Variants in SLCO3A1 observed in about 807,000 individuals in gnomAD.
SLCO3A1 encodes PGE1 transporter.
A neutral mutation model predicts 63.1 loss-of-function variants in SLCO3A1; 27 were observed. The ratio of observed to expected loss-of-function variants is 0.43; its 90% CI spans 0.32 to 0.59. The LOEUF is 0.59. SLCO3A1 is among the 20% of genes least tolerant of loss of function. The probability of loss-of-function intolerance (pLI) is 0.09; values close to 1 mark genes in which losing one functional copy is unlikely to be tolerated. For missense variants in SLCO3A1, 773 were observed against 945.8 expected, an observed-to-expected ratio of 0.82 and a Z score of 2.40; for synonymous variants, 473 against 409.9, an observed-to-expected ratio of 1.15 and a Z score of -1.86.
chr15:91,970,496 T>C (rs1021616175), intron 2 of SLCO3A1, among the ~76,000 whole-genome samples: 1 of 152,122 alleles, frequency 6.6e-6, no homozygotes. Flanking sequence ...ACATGGAACT[T>C]GAGGTCTGTG....
At chr15:91,999,256 G>A (rs1420968257) in intron 2 of SLCO3A1, among the ~76,000 whole-genome samples, 2 of 151,950 alleles carry the variant, frequency 1.3e-5, no homozygotes, top group Non-Finnish European at 2.9e-5. Flanking sequence ...TAACAAACAT[G>A]CACATGTATA....
rs1286141652 is a variant in SLCO3A1 at position 91,954,393 on chromosome 15, G to A, written c.646+37935G>A. Among the ~76,000 whole-genome samples the A allele has an allele frequency of 6.6e-6, 1 of 152,192 alleles. No individual in the cohort carries two copies. The highest frequency in any genetic ancestry group is 2.4e-5 in the African/African-American group (1 of 41,444). On this transcript the variant is annotated intron_variant, in intron 2 of 9. Coordinates refer to ENST00000318445, the MANE Select transcript of SLCO3A1 (RefSeq NM_013272.4). This position sits in a 1 kb window ranked among gnomAD's most constrained non-coding sequence, Gnocchi z 4.7. ...AGCCTCAGCCAGGCGGAGACGGGCG[G>A]GTACTGCACAGAGTGAGGCAGTCAG...
rs770963075 is a variant in SLCO3A1, at chr15:92,165,180, C to T, written c.*2045C>T. 5.8e-5 allele frequency: 57 copies of T among 985,284 alleles called. No homozygotes were observed. Among genetic ancestry groups the T allele is most frequent in the Non-Finnish European group, 6.6e-5 (55 of 829,936 alleles). The allele number at this position is 985,284 out of a possible 1,614,324, so 61.0% of individuals were successfully genotyped here. A position where few individuals can be genotyped will look rare whatever the true frequency, so the allele number is the denominator to read the frequency against. ...AGAAAAGCTGTGTCGTGGTATGGGG[C>T]CACCGTGATCAGCTACCTGGGGCAG... On this transcript the variant is annotated 3_prime_UTR_variant, in exon 10 of 10. Transcript: ENST00000318445.
intron 1 of SLCO3A1, among the ~76,000 whole-genome samples, chr15:91,913,068 T>C (rs1215143631): frequency 1.3e-5 from 2 of 152,246 alleles, no homozygotes; most frequent in Non-Finnish European, 2.9e-5. Context: ...ACAGAACTTC[T>C]TTGGCAGTAT....
At chr15:92,063,864 C>CAA (rs35023190) in intron 2 of SLCO3A1, among the ~76,000 whole-genome samples, 1 of 151,976 alleles carries the variant, frequency 6.6e-6, no homozygotes, top group East Asian at 1.9e-4. Flanking sequence ...AGCAAACAAA[C>CAA]AAAAAAATCA....
chr15:91,982,841 C>T (rs2046004843), intron 2 of SLCO3A1, among the ~76,000 whole-genome samples: 2 of 152,234 alleles, frequency 1.3e-5, no homozygotes, highest in African/African-American at 4.8e-5. Flanking sequence ...GGCCACTCAG[C>T]TCCATTATAA....
chr15:91,962,782 C>G (rs1900499051), intron 2 of SLCO3A1, among the ~76,000 whole-genome samples: 1 of 152,082 alleles, frequency 6.6e-6, no homozygotes, highest in African/African-American at 2.4e-5. Context: ...GGGCTGCTTA[C>G]TTTCACAACC....
At chr15:92,031,664 T>C (rs551280996) in intron 2 of SLCO3A1, among the ~76,000 whole-genome samples, 1 of 152,282 alleles carries the variant, frequency 6.6e-6, no homozygotes, top group South Asian at 2.1e-4. Context: ...AAGGACACAG[T>C]CTTTTGCGGG....
intron 7 of SLCO3A1, 70 bp from the exon 8 acceptor site, chr15:92,146,914 C>T: frequency 7.1e-7 from 1 of 1,412,764 alleles, no homozygotes; most frequent in Non-Finnish European, 9.7e-7. Context: ...ACAGATTCAG[C>T]TGATGGATGG....
chr15:92,058,487 G>C (rs1027725358), intron 2 of SLCO3A1, among the ~76,000 whole-genome samples: 2 of 152,106 alleles, frequency 1.3e-5, no homozygotes, highest in Admixed American at 1.3e-4. Flanking sequence ...GATGTTGGGT[G>C]TCCCGCAGGG....
At chr15:92,131,744 T>C (rs1404810277) in intron 7 of SLCO3A1, among the ~76,000 whole-genome samples, 1 of 145,618 alleles carries the variant, frequency 6.9e-6, no homozygotes, top group Non-Finnish European at 1.5e-5. Flanking sequence ...GTGTTGTTTC[T>C]CTTATCTGCA....
rs1192296265 is a variant in SLCO3A1, at chr15:91,998,185, G to T, written c.646+81727G>T. 2.6e-5 allele frequency among the ~76,000 whole-genome samples: 4 copies of T among 152,152 alleles called. No individual in the cohort carries two copies. In the East Asian group the frequency reaches 7.7e-4, roughly 29 times the overall value. On this transcript the variant is annotated intron_variant, in intron 2 of 9. Transcript: ENST00000318445. Reference sequence around the variant, plus strand: ...AAAAGTGGGCAAGGTCAGGTGTGGTGGCTCATGCCTGTAATCCCAGCACTT... The same window carrying T: ...AAAAGTGGGCAAGGTCAGGTGTGGTTGCTCATGCCTGTAATCCCAGCACTT...
chr15:92,107,407 A>G (rs1194277594), intron 4 of SLCO3A1, among the ~76,000 whole-genome samples: 1 of 152,162 alleles, frequency 6.6e-6, no homozygotes, highest in African/African-American at 2.4e-5. Flanking sequence ...TGCGAGACAC[A>G]TGTTTTTGCT....
At chr15:92,108,479 T>C (rs1013131812) in intron 4 of SLCO3A1, among the ~76,000 whole-genome samples, 3 of 152,180 alleles carry the variant, frequency 2.0e-5, no homozygotes, top group Non-Finnish European at 2.9e-5. Flanking sequence ...TAGCAAATGC[T>C]CAGAATTTGC....
chr15:92,159,407 C>A (rs2048409513), intron 9 of SLCO3A1, among the ~76,000 whole-genome samples: 1 of 151,914 alleles, frequency 6.6e-6, no homozygotes, highest in African/African-American at 2.4e-5. Flanking sequence ...ATCACTTGAG[C>A]CCAGGAGGCG....
chr15:92,080,390 G>GTT (rs201735080), intron 2 of SLCO3A1, among the ~76,000 whole-genome samples: 38 of 143,506 alleles, frequency 2.6e-4, no homozygotes, highest in Non-Finnish European at 2.8e-4. Context: ...AATACATGGA[G>GTT]TTTTTTTTTT....
chr15:91,955,146 G>C (rs1295315295), intron 2 of SLCO3A1, among the ~76,000 whole-genome samples: 1 of 152,074 alleles, frequency 6.6e-6, no homozygotes, highest in Non-Finnish European at 1.5e-5. Flanking sequence ...CCGCACCCCT[G>C]TGGGCTTGGT....
chr15:91,937,288 G>A (rs755181548), intron 2 of SLCO3A1, among the ~76,000 whole-genome samples: 1 of 152,184 alleles, frequency 6.6e-6, no homozygotes, highest in Non-Finnish European at 1.5e-5. Flanking sequence ...CAGGTAGCAC[G>A]GGCAAAGCAC....
intron 4 of SLCO3A1, among the ~76,000 whole-genome samples, chr15:92,112,938 A>C (rs968157449): frequency 6.6e-6 from 1 of 152,120 alleles, no homozygotes; most frequent in Non-Finnish European, 1.5e-5. Flanking sequence ...CCATTGTTGG[A>C]GTTTTCATGA....
Sources: allele counts gnomAD v4.1 joint callset (sites outside exome capture counted in the v4.1 genomes callset), GRCh38; gene constraint gnomAD v4.1.1; non-coding constraint Gnocchi (gnomAD v3.1); transcripts MANE v1.5; gene names NCBI Gene and HGNC (gene_info 2026-07-23, HGNC 2026-07-21).